Variants in NRXN3 observed in about 807,000 individuals in gnomAD.
The protein encoded by NRXN3 is neurexin III.
Under a neutral mutation model 137.6 loss-of-function variants are expected in NRXN3, and 32 were observed. The ratio of observed to expected loss-of-function variants is 0.23; its 90% CI spans 0.18 to 0.31. The LOEUF (loss-of-function observed/expected upper bound fraction) is 0.31, where lower values mean the gene tolerates loss of function less well. NRXN3 is among the 10% of genes least tolerant of loss of function. NRXN3 has a pLI of 1.00. For missense variants in NRXN3, 1,574 were observed against 2,062.5 expected, an observed-to-expected ratio of 0.76 and a Z score of 4.59; for synonymous variants, 798 against 784.5, an observed-to-expected ratio of 1.02 and a Z score of -0.29.
intron 15 of NRXN3, chr14:79,279,380 G>T: frequency 1.0e-6 from 1 of 986,192 alleles, no homozygotes; most frequent in South Asian, 4.7e-5. Context: ...CCAACTCCTC[G>T]CTTCACTTCA....
chr14:79,351,957 C>T (rs1382366604), intron 15 of NRXN3, among the ~76,000 whole-genome samples: 1 of 152,156 alleles, frequency 6.6e-6, no homozygotes, highest in Non-Finnish European at 1.5e-5. Context: ...CTTTAAAAGT[C>T]TGAAGCAAGA....
chr14:79,547,340 C>T (rs911772847), intron 16 of NRXN3, among the ~76,000 whole-genome samples: 5 of 152,150 alleles, frequency 3.3e-5, no homozygotes, highest in East Asian at 1.9e-4. Context: ...GAAGAGAATA[C>T]ATTGTGCATG....
chr14:79,370,428 C>T (rs918068615), intron 15 of NRXN3, among the ~76,000 whole-genome samples: 3 of 150,998 alleles, frequency 2.0e-5, no homozygotes, highest in African/African-American at 4.9e-5. Flanking sequence ...AAACGATTCT[C>T]CTGCCTCAGC....
chr14:79,546,173 C>T (rs751989398), intron 16 of NRXN3, among the ~76,000 whole-genome samples: 4 of 152,072 alleles, frequency 2.6e-5, no homozygotes, highest in African/African-American at 9.7e-5. Flanking sequence ...ATTGCCCAGT[C>T]TTGGATATGT....
At chr14:79,299,117 TA>T in intron 15 of NRXN3, among the ~76,000 whole-genome samples, 3 of 152,326 alleles carry the variant, frequency 2.0e-5, no homozygotes, top group African/African-American at 7.2e-5. Flanking sequence ...TTTATTTATT[TA>T]TTTGCTTTTG....
At chr14:79,065,057 G>A (rs1018887877) in intron 15 of NRXN3, among the ~76,000 whole-genome samples, 11 of 151,732 alleles carry the variant, frequency 7.2e-5, no homozygotes, top group East Asian at 1.9e-4. Flanking sequence ...TACTTCAAAC[G>A]TTTAAAATAT....
At chr14:79,090,916 G>T (rs1213799421) in intron 15 of NRXN3, among the ~76,000 whole-genome samples, 1 of 152,058 alleles carries the variant, frequency 6.6e-6, no homozygotes, top group Non-Finnish European at 1.5e-5. Context: ...CCCAAATTTG[G>T]AGATAAAGGA....
At chr14:79,054,475 A>G (rs957253574) in intron 15 of NRXN3, among the ~76,000 whole-genome samples, 1 of 152,104 alleles carries the variant, frequency 6.6e-6, no homozygotes, top group African/African-American at 2.4e-5. Context: ...TTAGAAAAGG[A>G]TTTTTGACAT....
At chr14:79,182,667 G>A (rs532106494) in intron 15 of NRXN3, among the ~76,000 whole-genome samples, 1 of 152,286 alleles carries the variant, frequency 6.6e-6, no homozygotes, top group East Asian at 1.9e-4. Flanking sequence ...ACGGGCCACA[G>A]ACCAGTACTG....
intron 15 of NRXN3, among the ~76,000 whole-genome samples, chr14:79,348,515 A>G (rs989838601): frequency 4.6e-5 from 7 of 151,806 alleles, no homozygotes; most frequent in South Asian, 2.1e-4. Flanking sequence ...AGCTGGGACT[A>G]CAGGCGCCCG....
At chr14:78,506,266 T>C (rs892245411) in intron 4 of NRXN3, among the ~76,000 whole-genome samples, 7 of 152,184 alleles carry the variant, frequency 4.6e-5, no homozygotes, top group African/African-American at 1.7e-4. Flanking sequence ...GTCCTCCAGT[T>C]TCATTCGTGT....
chr14:79,356,365 C>T (rs771810366), intron 15 of NRXN3, among the ~76,000 whole-genome samples: 3 of 152,160 alleles, frequency 2.0e-5, no homozygotes, highest in Admixed American at 6.5e-5. Context: ...TTTTTAATGC[C>T]GCCTGCTGTG....
chr14:78,194,543 C>T (rs2061048471), intron 1 of NRXN3, among the ~76,000 whole-genome samples: 1 of 152,122 alleles, frequency 6.6e-6, no homozygotes, highest in South Asian at 2.1e-4. Context: ...ATAGTCAGGG[C>T]CTGGCCTGCC....
At chr14:79,725,386 G>A (rs1298677904) in intron 19 of NRXN3, among the ~76,000 whole-genome samples, 1 of 152,154 alleles carries the variant, frequency 6.6e-6, no homozygotes, top group Non-Finnish European at 1.5e-5. Flanking sequence ...GCCATTACCA[G>A]AGTTTAAGAA....
chr14:78,210,928 A>G (rs2062683577), intron 1 of NRXN3, among the ~76,000 whole-genome samples: 1 of 151,986 alleles, frequency 6.6e-6, no homozygotes, highest in South Asian at 2.1e-4. Context: ...GCCTGGTTAG[A>G]GTTTTGGCTT....
chr14:78,184,717 G>A (rs1430126868), intron 1 of NRXN3, among the ~76,000 whole-genome samples: 4 of 152,344 alleles, frequency 2.6e-5, no homozygotes, highest in South Asian at 2.1e-4. Flanking sequence ...CACCTCCAGC[G>A]TAGAGATGAG....
At chr14:78,529,999 A>G (rs2096437233) in intron 4 of NRXN3, among the ~76,000 whole-genome samples, 1 of 152,262 alleles carries the variant, frequency 6.6e-6, no homozygotes. Flanking sequence ...ATAAATATTT[A>G]TACAGTGCAA....
chr14:79,718,618 T>A (rs149336036), intron 19 of NRXN3, among the ~76,000 whole-genome samples: 54 of 152,312 alleles, frequency 3.5e-4, no homozygotes, highest in African/African-American at 1.2e-3. Context: ...AGGCCCCCAC[T>A]ACAGGCCCAC....
intron 16 of NRXN3, among the ~76,000 whole-genome samples, chr14:79,570,162 A>G (rs1240003127): frequency 6.6e-6 from 1 of 152,172 alleles, no homozygotes; most frequent in East Asian, 1.9e-4. Flanking sequence ...ACGCTAGAAC[A>G]CAGTCGGTAC....
Sources: allele counts gnomAD v4.1 joint callset (sites outside exome capture counted in the v4.1 genomes callset), GRCh38; gene constraint gnomAD v4.1.1; transcripts MANE v1.5; gene names NCBI Gene and HGNC (gene_info 2026-07-23, HGNC 2026-07-21).